Variants in EXTL3 observed in about 807,000 individuals in gnomAD.
EXTL3 encodes the protein exostosin like glycosyltransferase 3.
A neutral mutation model predicts 69.3 loss-of-function variants in EXTL3; 27 were observed. The observed-to-expected ratio is 0.39, with a 90% confidence interval of 0.29 to 0.54. The LOEUF (loss-of-function observed/expected upper bound fraction) is 0.54. EXTL3 is among the 20% of genes least tolerant of loss of function. The pLI is 0.69. For synonymous variants in EXTL3, 511 were observed against 499.4 expected (o/e 1.02, Z -0.31); for missense variants, 1,003 against 1,231.8 (o/e 0.81, Z 2.78).
chr8:28,710,157 A>G (rs1801004417), intron 1 of EXTL3, among the ~76,000 whole-genome samples: 1 of 152,210 alleles, frequency 6.6e-6, no homozygotes, highest in Non-Finnish European at 1.5e-5. Flanking sequence ...TGTTCTAGTC[A>G]TAGAAGATGT....
rs1490110192 is a variant in EXTL3 at position 28,752,998 on chromosome 8, G to C, written c.*2132G>C. On this transcript the variant is annotated 3_prime_UTR_variant, in exon 7 of 7. Coordinates refer to ENST00000220562, the MANE Select transcript of EXTL3 (RefSeq NM_001440.4). Reference sequence around the variant, plus strand: ...AGGGCCTCTCCCTTTAGTGGAGCCAGGTTGTCGGGCCCCGAATGTCACTGG... The same window carrying C: ...AGGGCCTCTCCCTTTAGTGGAGCCACGTTGTCGGGCCCCGAATGTCACTGG... 6.6e-6 allele frequency: 1 copy of C among 152,660 alleles called. No individual in the cohort carries two copies. Among genetic ancestry groups the C allele is most frequent in the East Asian group, 1.9e-4 (1 of 5,198 alleles). The allele number at this position is 152,660 out of a possible 1,614,324, so 9.5% of individuals were successfully genotyped here.
chr8:28,737,432 TTGTAAGG>T, intron 4 of EXTL3, 80 bp from the exon 5 acceptor site: 1 of 1,432,592 alleles, frequency 7.0e-7, no homozygotes, highest in Non-Finnish European at 9.9e-7. Context: ...GGGCCAGAGC[TTGTAAGG>T]TGGAGGCAAT....
In EXTL3 at chr8:28,728,170, C is replaced by T. The variant is rs139884135; in HGVS notation, c.2149-3053C>T. ...CTACCATATGCCGTCATTTCCAAGG[C>T]GGACCTTATTTTACATTTTGTCATC... On this transcript the variant is annotated intron_variant, in intron 3 of 6. Coordinates refer to ENST00000220562, the MANE Select transcript of EXTL3 (RefSeq NM_001440.4). Among the ~76,000 whole-genome samples, 437 of 152,282 alleles carry T rather than the reference C, an allele frequency of 2.9e-3. 2 individuals are homozygous for T. The highest frequency in any genetic ancestry group is 9.7e-3 in the African/African-American group (405 of 41,566).
chr8:28,713,564 G>A lies in EXTL3; in HGVS notation c.-476+14G>A. 7.1e-6 allele frequency: 5 copies of A among 701,992 alleles called. No homozygotes were observed. The highest frequency in any genetic ancestry group is 1.3e-5 in the Non-Finnish European group (5 of 384,820). The allele number at this position is 701,992 out of a possible 1,614,324, so 43.5% of individuals were successfully genotyped here. A position where few individuals can be genotyped will look rare whatever the true frequency, so the allele number is the denominator to read the frequency against. ...CTGAAACACATGGTGAGGAAGGAAT[G>A]AGTCAGCTGGATTGCTGTGATTACG... On this transcript the variant is annotated intron_variant, in intron 2 of 6. Coordinates refer to ENST00000220562, the MANE Select transcript of EXTL3 (RefSeq NM_001440.4).
intron 4 of EXTL3, 53 bp from the exon 5 acceptor site, chr8:28,737,466 G>A (rs1801675860): frequency 6.2e-7 from 1 of 1,607,490 alleles, no homozygotes; most frequent in South Asian, 1.1e-5. Flanking sequence ...GAACACTTCT[G>A]ATGACCCTAG....
At chr8:28,635,715 CCACACACACACA>C (rs146671194) in intron 1 of EXTL3, among the ~76,000 whole-genome samples, 5 of 142,724 alleles carry the variant, frequency 3.5e-5, no homozygotes, top group African/African-American at 7.7e-5. Context: ...CCCCACAACT[CCACACACACACA>C]CACACACACA....
chr8:28,723,690 G>T (rs1374114652), intron 3 of EXTL3, among the ~76,000 whole-genome samples: 3 of 145,936 alleles, frequency 2.1e-5, no homozygotes, highest in African/African-American at 7.7e-5. Context: ...TGCCCAGGCT[G>T]GAGCACAGTG....
chr8:28,661,559 T>C (rs1283232091), intron 1 of EXTL3, among the ~76,000 whole-genome samples: 1 of 152,042 alleles, frequency 6.6e-6, no homozygotes, highest in Non-Finnish European at 1.5e-5. Flanking sequence ...TACATATGTA[T>C]TGATATTAAG....
chr8:28,619,107 A>C (rs866350428), upstream of EXTL3, among the ~76,000 whole-genome samples: 672 of 148,950 alleles, frequency 4.5e-3, 7 homozygotes, highest in African/African-American at 0.015. Context: ...AAAAAAAAAA[A>C]AAAAAAAAAC....
chr8:28,659,965 C>T (rs1402220991), intron 1 of EXTL3, among the ~76,000 whole-genome samples: 1 of 152,138 alleles, frequency 6.6e-6, no homozygotes, highest in Admixed American at 6.6e-5. Context: ...TGCATGCCCC[C>T]TCGCATGTTG....
chr8:28,733,468 A>G (rs1801581727), intron 4 of EXTL3, among the ~76,000 whole-genome samples: 1 of 150,936 alleles, frequency 6.6e-6, no homozygotes. Flanking sequence ...GTGCAATCTT[A>G]GCATGTGGTA....
intron 1 of EXTL3, among the ~76,000 whole-genome samples, chr8:28,654,670 A>G (rs1486154779): frequency 1.3e-5 from 2 of 152,188 alleles, no homozygotes; most frequent in African/African-American, 4.8e-5. Context: ...CTCTAATACC[A>G]TCTTCTATTA....
chr8:28,718,485 C>T (rs7821192), intron 3 of EXTL3, among the ~76,000 whole-genome samples: 2,888 of 152,198 alleles, frequency 0.019, 92 homozygotes, highest in African/African-American at 0.06. Context: ...TCGGTTATCC[C>T]GTAGACTTCC....
intron 1 of EXTL3, among the ~76,000 whole-genome samples, chr8:28,624,597 AAG>A (rs1806463458): frequency 1.3e-5 from 2 of 152,198 alleles, no homozygotes; most frequent in Admixed American, 1.3e-4. Context: ...TGTGAGTAAA[AAG>A]AAACAAATCT....
intron 1 of EXTL3, among the ~76,000 whole-genome samples, chr8:28,652,761 T>G (rs1473040565): frequency 6.6e-6 from 1 of 152,186 alleles, no homozygotes; most frequent in Non-Finnish European, 1.5e-5. Flanking sequence ...CCTTAATGAT[T>G]AGCAATGTTG....
intron 1 of EXTL3, among the ~76,000 whole-genome samples, chr8:28,658,439 A>C (rs181709654): frequency 2.2e-4 from 34 of 152,284 alleles, no homozygotes; most frequent in African/African-American, 7.9e-4. Context: ...TGAATACTAA[A>C]GCACATAAAA....
Position 28,672,660 on chromosome 8 carries a change from C to T in EXTL3, c.-52-40797C>T, listed in dbSNP as rs547200763. Among the ~76,000 whole-genome samples the T allele has an allele frequency of 2.2e-4, 34 of 152,284 alleles. No individual in the cohort carries two copies. The East Asian group carries it at 5.8e-3, about 26-fold the overall frequency. On this transcript the variant is annotated intron_variant, in intron 1 of 6. Coordinates refer to the EXTL3 transcript ENST00000523149. ...AACTCTAGGGGTGGACCCTAGAAAT[C>T]TGCATTGTAACAAGCCACCCAGGTG... is the stretch of plus-strand genomic sequence containing the variant.
Position 28,717,352 on chromosome 8 carries a change from C to G in EXTL3, c.1293C>G (p.Ala431=). ...AATTGCTGAAGCTCTCCACCTTCGC[C>G]CTCATCATTACCCCCGGGGACCCTC... ...RLELLKLSTF[A]LIITPGDPRL... Residue 431 remains alanine, a synonymous_variant, in exon 3 of 7, where the codon GCC becomes GCG. Coordinates refer to ENST00000220562, the MANE Select transcript of EXTL3 (RefSeq NM_001440.4). The surrounding 1 kb of genome is among the most constrained non-coding windows in gnomAD (Gnocchi z 8.3). The G allele has an allele frequency of 6.2e-7, 1 of 1,614,224 alleles. No homozygotes were observed. Among genetic ancestry groups the G allele is most frequent in the Non-Finnish European group, 8.5e-7 (1 of 1,180,046 alleles).
At chr8:28,703,663 A>T (rs1039832498) in intron 1 of EXTL3, among the ~76,000 whole-genome samples, 1 of 152,104 alleles carries the variant, frequency 6.6e-6, no homozygotes, top group Non-Finnish European at 1.5e-5. Context: ...CTCAGGTGTT[A>T]GGAGAAAAAT....
Sources: allele counts gnomAD v4.1 joint callset (sites outside exome capture counted in the v4.1 genomes callset), GRCh38; gene constraint gnomAD v4.1.1; non-coding constraint Gnocchi (gnomAD v3.1); transcripts MANE v1.5; gene names NCBI Gene and HGNC (gene_info 2026-07-23, HGNC 2026-07-21).